Variants in PIN1 observed in about 807,000 individuals in gnomAD.
PIN1 encodes peptidylprolyl cis/trans isomerase, NIMA-interacting 1, also known as peptidyl-prolyl cis-trans isomerase NIMA-interacting 1.
In PIN1, 8 loss-of-function variants were observed where a neutral mutation model predicts 19.9. That is an observed-to-expected ratio of 0.40 (90% confidence interval 0.24 to 0.72). The LOEUF is 0.72. PIN1 is among the 30% of genes least tolerant of loss of function. PIN1 has a pLI of 0.37. For synonymous variants in PIN1, 86 were observed against 90.8 expected (o/e 0.95, Z 0.30); for missense variants, 185 against 226.5 (o/e 0.82, Z 1.18).
intron 2 of PIN1, among the ~76,000 whole-genome samples, chr19:9,842,033 C>T (rs1237532811): frequency 6.6e-6 from 1 of 152,132 alleles, no homozygotes; most frequent in African/African-American, 2.4e-5. Flanking sequence ...TGGACAGGTG[C>T]ACCTGGTAAG....
In PIN1 at chr19:9,842,066, C is replaced by T. The variant is rs559851186; in HGVS notation, c.271+3418C>T. ...AAGTAGCCAGGCCCTGAGGCGTCACCGTAGGTACCTGCAGATTCTGGAATG... is the reference window on the plus strand; with the variant it reads ...AAGTAGCCAGGCCCTGAGGCGTCACTGTAGGTACCTGCAGATTCTGGAATG... On this transcript the variant is annotated intron_variant, in intron 2 of 3. Coordinates refer to ENST00000247970, the MANE Select transcript of PIN1 (RefSeq NM_006221.4). 3.3e-4 allele frequency among the ~76,000 whole-genome samples: 51 copies of T among 152,248 alleles called. No homozygotes were observed. In the Middle Eastern group the frequency reaches 0.01, roughly 30 times the overall value.
rs1359032075 is a variant in PIN1, at chr19:9,848,735, C to A, written c.383-355C>A. On this transcript the variant is annotated intron_variant, in intron 3 of 3. Transcript: ENST00000247970. ...TGGGGCGGCAGCATGGGGCCAGCAG[C>A]TGCCCACCTCCTCCGAGGAGGCTGG... is the stretch of plus-strand genomic sequence containing the variant. 9.4e-6 allele frequency: 3 copies of A among 317,528 alleles called. No individual in the cohort carries two copies. In the South Asian group the frequency reaches 1.1e-4, roughly 12 times the overall value. 19.7% of individuals were successfully genotyped at this position (317,528 alleles called of 1,614,324 possible).
chr19:9,844,011 C>T (rs1222674292), intron 2 of PIN1, among the ~76,000 whole-genome samples: 3 of 152,112 alleles, frequency 2.0e-5, no homozygotes, highest in African/African-American at 4.8e-5. Flanking sequence ...GATTGTACCA[C>T]TGCACTCCAG....
In PIN1 at chr19:9,848,035, A is replaced by G. The variant is rs759664255; in HGVS notation, c.277A>G (p.Ile93Val). The change falls in exon 3 of 4, where the codon ATC becomes GTC. Residue 93 changes from isoleucine (I) to valine (V), a missense_variant. Transcript: ENST00000247970. The stretch of plus-strand genomic sequence containing the variant: ...ATTCCGTTCCATGTCCACAGGCTAC[A>G]TCCAGAAGATCAAGTCGGGAGAGGA... Reference protein sequence around the residue: ...EEALELINGYIQKIKSGEEDF... With the variant: ...EEALELINGYVQKIKSGEEDF... The G allele has an allele frequency of 1.2e-6, 2 of 1,605,156 alleles. No homozygotes were observed. The highest frequency in any genetic ancestry group is 1.1e-5 in the South Asian group (1 of 90,906).
At position 9,838,783 on chromosome 19, in the gene PIN1, A is replaced by G. The variant is rs909185407; in HGVS notation, c.271+135A>G. The G allele has an allele frequency of 1.5e-6, 1 of 666,486 alleles. No homozygotes were observed. 41.3% of individuals were successfully genotyped at this position (666,486 alleles called of 1,614,324 possible). On this transcript the variant is annotated intron_variant, in intron 2 of 3. Transcript: ENST00000247970. This position sits in a 1 kb window ranked among gnomAD's most constrained non-coding sequence, Gnocchi z 5.8. Reference sequence around the variant, plus strand: ...TTGGCCAACACAAAAACGCCAGTGCATGACCTGACCCTGACCTTCACAGCA... The same window carrying G: ...TTGGCCAACACAAAAACGCCAGTGCGTGACCTGACCCTGACCTTCACAGCA...
intron 2 of PIN1, 151 bp from the exon 3 acceptor site, chr19:9,847,879 G>C (rs1011721850): frequency 1.5e-6 from 1 of 675,962 alleles, no homozygotes; most frequent in Non-Finnish European, 2.7e-6. Context: ...TGTGAGGAGA[G>C]GGGTTGTGGG....
intron 2 of PIN1, among the ~76,000 whole-genome samples, chr19:9,845,265 T>TTTGC (rs1276930901): frequency 6.9e-6 from 1 of 145,126 alleles, no homozygotes; most frequent in Admixed American, 6.8e-5. Flanking sequence ...TGTTTGTTTG[T>TTTGC]TTGTTTGTTT....
chr19:9,844,532 G>A (rs73511305), intron 2 of PIN1, among the ~76,000 whole-genome samples: 2,617 of 152,254 alleles, frequency 0.017, 70 homozygotes, highest in African/African-American at 0.06. Context: ...TACTATTTCA[G>A]GGGGTCCTGA....
chr19:9,848,496 C>T (rs2046243555), intron 3 of PIN1: 1 of 298,078 alleles, frequency 3.4e-6, no homozygotes, highest in Non-Finnish European at 6.5e-6. Flanking sequence ...GTCCCAGGGC[C>T]TGTCCCCCAG....
chr19:9,846,251 T>C lies in PIN1; in HGVS notation c.272-1779T>C, dbSNP rs1380752987. 6.6e-6 allele frequency among the ~76,000 whole-genome samples: 1 copy of C among 152,210 alleles called. No individual in the cohort carries two copies. Among genetic ancestry groups the C allele is most frequent in the Non-Finnish European group, 1.5e-5 (1 of 68,036 alleles). ...GGGCCCTGTATGGCATCGATGTCCC[T>C]GTCAGACCAGGACACGTGGGCCGGC... On this transcript the variant is annotated intron_variant, in intron 2 of 3. Coordinates refer to ENST00000247970, the MANE Select transcript of PIN1 (RefSeq NM_006221.4). The surrounding 1 kb of genome is among the most constrained non-coding windows in gnomAD (Gnocchi z 5.9).
intron 1 of PIN1, chr19:9,836,503 G>A (rs1054889143): frequency 9.6e-6 from 2 of 209,346 alleles, no homozygotes; most frequent in South Asian, 7.0e-5. Flanking sequence ...GCATAAACCG[G>A]ATGCTCTGCC....
intron 2 of PIN1, among the ~76,000 whole-genome samples, chr19:9,842,179 G>A (rs2046173798): frequency 6.6e-6 from 1 of 152,194 alleles, no homozygotes; most frequent in African/African-American, 2.4e-5. Context: ...GGGGCTGGAA[G>A]TGGAAGAAGA....
intron 2 of PIN1, among the ~76,000 whole-genome samples, chr19:9,847,720 G>A (rs548598197): frequency 1.1e-4 from 16 of 152,298 alleles, no homozygotes; most frequent in Admixed American, 8.5e-4. Flanking sequence ...GTGTGTGCTG[G>A]TGAGAGTGAC....
intron 2 of PIN1, among the ~76,000 whole-genome samples, chr19:9,842,507 G>A (rs999034081): frequency 1.4e-4 from 22 of 152,294 alleles, no homozygotes; most frequent in Middle Eastern, 3.4e-3. Flanking sequence ...CTGAGGTCAA[G>A]TCAAGGCCTC....
intron 1 of PIN1, chr19:9,836,083 T>G (rs542157287): frequency 6.6e-6 from 1 of 152,300 alleles, no homozygotes; most frequent in South Asian, 2.1e-4. Flanking sequence ...TCCAAGATCA[T>G]TCATTTCAGG....
chr19:9,848,818 G>A (rs1259109941), intron 3 of PIN1, among the ~76,000 whole-genome samples: 2 of 152,142 alleles, frequency 1.3e-5, no homozygotes, highest in Non-Finnish European at 2.9e-5. Flanking sequence ...GTTCACTACC[G>A]AAGTGGCCCC....
chr19:9,846,471 C>T lies in PIN1; in HGVS notation c.272-1559C>T, dbSNP rs1022797493. ...GCACAGGGATGTCAGGGCAGCAGGT[C>T]GTGGTGACATCCAGCTCAGATACCA... On this transcript the variant is annotated intron_variant, in intron 2 of 3. Coordinates refer to ENST00000247970, the MANE Select transcript of PIN1 (RefSeq NM_006221.4). The surrounding 1 kb of genome is among the most constrained non-coding windows in gnomAD (Gnocchi z 5.9). 4.6e-5 allele frequency among the ~76,000 whole-genome samples: 7 copies of T among 152,148 alleles called. No homozygotes were observed. The highest frequency in any genetic ancestry group is 3.9e-4 in the Admixed American group (6 of 15,280).
Position 9,838,599 on chromosome 19 carries a change from G to T in PIN1, c.222G>T (p.Arg74=), listed in dbSNP as rs1333807729. The part of the protein sequence containing the change: ...HSQSRRPSSW[R]QEKITRTKEE... ...AGTCACGGCGGCCCTCGTCCTGGCG[G>T]CAGGAGAAGATCACCCGGACCAAGG... is the stretch of plus-strand genomic sequence containing the variant. The change falls in exon 2 of 4, where the codon CGG becomes CGT. Residue 74 remains arginine, a synonymous_variant. Transcript: ENST00000247970. The surrounding 1 kb of genome is among the most constrained non-coding windows in gnomAD (Gnocchi z 5.8). 4 of 1,554,896 alleles carry T rather than the reference G, an allele frequency of 2.6e-6. No individual in the cohort carries two copies. Among genetic ancestry groups the T allele is most frequent in the Non-Finnish European group, 2.6e-6 (3 of 1,150,036 alleles).
chr19:9,844,634 C>T (rs1448711632), intron 2 of PIN1, among the ~76,000 whole-genome samples: 1 of 152,174 alleles, frequency 6.6e-6, no homozygotes, highest in African/African-American at 2.4e-5. Flanking sequence ...GGAGCCACAT[C>T]GAATCAGGAT....
Sources: gnomAD v4.1 joint callset for allele counts (sites outside exome capture counted in the v4.1 genomes callset) on GRCh38, gnomAD v4.1.1 for gene constraint, Gnocchi (gnomAD v3.1) non-coding constraint, MANE v1.5 for transcripts, NCBI Gene and HGNC (gene_info 2026-07-23, HGNC 2026-07-21) for gene names.